Variants in UGT3A2 observed in about 807,000 individuals in gnomAD.
UGT3A2 encodes UDP-glycosyltransferase 3A2.
UGT3A2 carries 32 observed loss-of-function variants against 39.8 expected under a neutral mutation model. The ratio of observed to expected loss-of-function variants is 0.80; its 90% confidence interval spans 0.61 to 1.08. The LOEUF (loss-of-function observed/expected upper bound fraction) is 1.08. Among genes scored for constraint, UGT3A2 ranks in the 50% least tolerant of loss-of-function variants. The pLI is 0.00. For missense variants in UGT3A2, 611 were observed against 637.1 expected (o/e 0.96, Z 0.44); for synonymous variants, 241 against 230.7 (o/e 1.04, Z -0.40).
chr5:36,064,145 A>G (rs766892840), intron 2 of UGT3A2, 104 bp downstream of exon 2: 4 of 1,054,928 alleles, frequency 3.8e-6, no homozygotes, highest in Admixed American at 5.0e-5. Context: ...CATCCTTCCA[A>G]TTGAATTAGA....
intron 5 of UGT3A2, 116 bp from the exon 6 acceptor site, chr5:36,038,132 G>T: frequency 9.4e-7 from 1 of 1,062,336 alleles, no homozygotes; most frequent in Non-Finnish European, 1.3e-6. Flanking sequence ...TGGAGACATT[G>T]TATCTAATGA....
chr5:36,060,858 G>T (rs1742672263), intron 2 of UGT3A2, among the ~76,000 whole-genome samples: 1 of 152,068 alleles, frequency 6.6e-6, no homozygotes, highest in African/African-American at 2.4e-5. Flanking sequence ...GCCTCTAAAC[G>T]GTACATTGGA....
chr5:36,051,573 G>C (rs1158110286), intron 3 of UGT3A2, among the ~76,000 whole-genome samples: 1 of 152,190 alleles, frequency 6.6e-6, no homozygotes, highest in African/African-American at 2.4e-5. Flanking sequence ...GGAAGTCCCA[G>C]AAGAAACAAT....
intron 4 of UGT3A2, among the ~76,000 whole-genome samples, chr5:36,046,769 T>C (rs1018318573): frequency 2.4e-4 from 37 of 152,184 alleles, no homozygotes; most frequent in African/African-American, 8.7e-4. Flanking sequence ...GGAATGTTTG[T>C]AACATAAAGA....
At position 36,039,623 on chromosome 5, in the gene UGT3A2, G is replaced by A. The variant is rs765723414; in HGVS notation, c.929C>T (p.Pro310Leu). The change falls in exon 5 of 7, where the codon CCG becomes CTG. Residue 310 changes from proline (P) to leucine (L), a missense_variant. Transcript: ENST00000282507. ...ATTGTTCATCTCCTTGAAGATTTCC[G>A]GATTCTGACAGGTGTTCACCATGGA... is the stretch of plus-strand genomic sequence containing the variant. ...LGSMVNTCQNPEIFKEMNNAF... is the reference protein window; with the variant it reads ...LGSMVNTCQNLEIFKEMNNAF... 6.8e-6 allele frequency: 11 copies of A among 1,614,020 alleles called. No individual in the cohort carries two copies. In the East Asian group the frequency reaches 8.9e-5, roughly 13 times the overall value.
chr5:36,048,854 G>A lies in UGT3A2; in HGVS notation c.843+35C>T, dbSNP rs200837146. On this transcript the variant is annotated intron_variant, in intron 4 of 6. Transcript: ENST00000282507. Reference sequence around the variant, plus strand: ...CCAACTATGCACTGAAGGCCTCTGCGTGAATCCCAAACTGAATGCTGAGGG... The same window carrying A: ...CCAACTATGCACTGAAGGCCTCTGCATGAATCCCAAACTGAATGCTGAGGG... 1.9e-5 allele frequency: 31 copies of A among 1,598,734 alleles called. No individual in the cohort carries two copies. The African/African-American group carries it at 2.5e-4, about 13-fold the overall frequency.
rs977531356 is a variant in UGT3A2 at position 36,066,711 on chromosome 5, T to C, written c.79A>G (p.Thr27Ala). 3.1e-6 allele frequency: 5 copies of C among 1,613,976 alleles called. No individual in the cohort carries two copies. The African/African-American group carries it at 5.3e-5, about 17-fold the overall frequency. The change falls in exon 1 of 7, where the codon ACA (threonine) becomes GCA (alanine). Residue 27 changes from threonine to alanine, a missense_variant. Physicochemically the swap from Thr to Ala is moderately conservative, Grantham distance 58 (BLOSUM62 0). Transcript: ENST00000282507. ...VLLSEAAKILTISTVGGSHYL... is the reference protein window; with the variant it reads ...VLLSEAAKILAISTVGGSHYL... ...AAGCACTCACCTACTGTAGATATTGTCAGGATTTTGGCAGCCTCTGAGAGC... is the reference window on the plus strand; with the variant it reads ...AAGCACTCACCTACTGTAGATATTGCCAGGATTTTGGCAGCCTCTGAGAGC...
intron 6 of UGT3A2, among the ~76,000 whole-genome samples, chr5:36,037,204 C>A (rs2111685537): frequency 6.6e-6 from 1 of 152,202 alleles, no homozygotes; most frequent in South Asian, 2.1e-4. Context: ...AGTTTGAGAC[C>A]AGCCTGGGCA....
chr5:36,062,801 A>G (rs988365199), intron 2 of UGT3A2, among the ~76,000 whole-genome samples: 3 of 152,200 alleles, frequency 2.0e-5, no homozygotes, highest in Non-Finnish European at 4.4e-5. Flanking sequence ...GCACTTTGGG[A>G]GGCCAAGGCA....
chr5:36,043,392 G>T (rs1742072206), intron 4 of UGT3A2, among the ~76,000 whole-genome samples: 1 of 151,824 alleles, frequency 6.6e-6, no homozygotes, highest in African/African-American at 2.4e-5. Flanking sequence ...GATACTAAGA[G>T]GAATATTTAT....
chr5:36,056,432 C>A (rs570231942), intron 2 of UGT3A2, among the ~76,000 whole-genome samples: 5 of 152,166 alleles, frequency 3.3e-5, no homozygotes, highest in African/African-American at 1.2e-4. Context: ...GCTTTCTGAA[C>A]CTTGGAGGAC....
chr5:36,038,301 T>C (rs552029591), intron 5 of UGT3A2, among the ~76,000 whole-genome samples: 1 of 152,330 alleles, frequency 6.6e-6, no homozygotes, highest in African/African-American at 2.4e-5. Flanking sequence ...CATCTCTCTG[T>C]CCATCCATTC....
intron 6 of UGT3A2, among the ~76,000 whole-genome samples, chr5:36,036,884 A>AT (rs1245392883): frequency 6.6e-6 from 1 of 152,136 alleles, no homozygotes; most frequent in African/African-American, 2.4e-5. Context: ...CATGAGGTGT[A>AT]TTTTTCTCTT....
intron 2 of UGT3A2, among the ~76,000 whole-genome samples, chr5:36,057,614 C>T (rs749748271): frequency 8.6e-5 from 13 of 151,536 alleles, no homozygotes; most frequent in Admixed American, 3.9e-4. Flanking sequence ...TGGCTCACTG[C>T]AGCTTCAGCC....
Position 36,035,330 on chromosome 5 carries a change from A to G in UGT3A2, c.*368T>C. ...AGAGGCTGACTAGGTCTGGACATGG[A>G]GGCTGGAAGAGTCAGGGTGTGATTC... On this transcript the variant is annotated 3_prime_UTR_variant, in exon 7 of 7. Transcript: ENST00000282507. 3.7e-6 allele frequency: 1 copy of G among 267,458 alleles called. No individual in the cohort carries two copies. The allele number at this position is 267,458 out of a possible 1,614,324, so 16.6% of individuals were successfully genotyped here.
chr5:36,044,991 T>C (rs1742122169), intron 4 of UGT3A2, among the ~76,000 whole-genome samples: 1 of 152,076 alleles, frequency 6.6e-6, no homozygotes, highest in African/African-American at 2.4e-5. Flanking sequence ...AATCCTAAAA[T>C]TTATATGGAA....
intron 4 of UGT3A2, among the ~76,000 whole-genome samples, chr5:36,044,297 G>T (rs1229728502): frequency 1.3e-5 from 2 of 151,906 alleles, no homozygotes; most frequent in Non-Finnish European, 2.9e-5. Context: ...GTCCCTTCAT[G>T]ATAAAAACCC....
chr5:36,045,366 G>A (rs143740047), intron 4 of UGT3A2, among the ~76,000 whole-genome samples: 6,073 of 152,214 alleles, frequency 0.04, 193 homozygotes, highest in East Asian at 0.12. Context: ...CACTTTGGGA[G>A]GCTGAGGCAG....
At chr5:36,065,183 A>G (rs1400145113) in intron 1 of UGT3A2, among the ~76,000 whole-genome samples, 1 of 152,158 alleles carries the variant, frequency 6.6e-6, no homozygotes, top group Non-Finnish European at 1.5e-5. Context: ...GCAGCAGAGA[A>G]AGGAAGATCA....
Sources: gnomAD v4.1 joint callset for allele counts (sites outside exome capture counted in the v4.1 genomes callset) on GRCh38, gnomAD v4.1.1 for gene constraint, MANE v1.5 for transcripts, NCBI Gene and HGNC (gene_info 2026-07-23, HGNC 2026-07-21) for gene names.